Variants in AKAP6 observed in about 807,000 individuals in gnomAD.
The protein encoded by AKAP6 is A-kinase anchoring protein 6, also known as A-kinase anchor protein 6.
In AKAP6, 58 loss-of-function variants were observed where a neutral mutation model predicts 188.5. The observed-to-expected ratio is 0.31, with a 90% CI of 0.25 to 0.38. AKAP6 has a LOEUF of 0.38. AKAP6 is among the 10% of genes least tolerant of loss of function. The pLI is 1.00. For synonymous variants in AKAP6, 989 were observed against 998.6 expected (o/e 0.99, Z 0.18); for missense variants, 2,710 against 2,740.0 (o/e 0.99, Z 0.24).
intron 7 of AKAP6, among the ~76,000 whole-genome samples, chr14:32,604,496 C>T (rs577002689): frequency 6.6e-6 from 1 of 152,202 alleles, no homozygotes; most frequent in African/African-American, 2.4e-5. Flanking sequence ...AATCAGAATG[C>T]TCATGCTTTC....
chr14:32,522,299 CA>C (rs1881881522), intron 2 of AKAP6, among the ~76,000 whole-genome samples: 1 of 152,190 alleles, frequency 6.6e-6, no homozygotes, highest in Non-Finnish European at 1.5e-5. Flanking sequence ...ATGACTGAAA[CA>C]CCAAAAGCAA....
In AKAP6 at chr14:32,705,471, TG is replaced by T. The variant is rs566593210; in HGVS notation, c.3000+9363del. 6.0e-4 allele frequency among the ~76,000 whole-genome samples: 92 copies of T among 152,290 alleles called. 2 individuals carry two copies. In the East Asian group the frequency reaches 0.015, roughly 24 times the overall value. ...GTATGTATATGTGAGTGTGTTTTTCTGGTATTGAGATGGGTGTAGGATAGAG... is the reference window on the plus strand; with the variant it reads ...GTATGTATATGTGAGTGTGTTTTTCTGTATTGAGATGGGTGTAGGATAGAG... On this transcript the variant is annotated intron_variant, in intron 9 of 13. Coordinates refer to ENST00000280979, the MANE Select transcript of AKAP6 (RefSeq NM_004274.5).
At chr14:32,676,953 C>T (rs949310954) in intron 7 of AKAP6, among the ~76,000 whole-genome samples, 1 of 152,204 alleles carries the variant, frequency 6.6e-6, no homozygotes, top group Non-Finnish European at 1.5e-5. Context: ...CCTGCCTCAG[C>T]CTCCCAAGTA....
chr14:32,821,906 G>C lies in AKAP6; in HGVS notation c.4093G>C (p.Gly1365Arg), dbSNP rs758202877. ...GAGCCAGAATTCAGGCAGTGAGAGT[G>C]GAATTGTCAGTGAAGGAGACACAGA... ...DMSQNSGSES[G>R]IVSEGDTETT... Residue 1365 changes from glycine (G) to arginine (R), a missense_variant, in exon 13 of 14, where the codon GGA becomes CGA. By Grantham distance (125) the Gly-to-Arg change is moderately radical. This residue lies in a region of AKAP6 where 2,473 missense variants were observed against 2,426.1 expected (regional missense o/e 1.02). Coordinates refer to ENST00000280979, the MANE Select transcript of AKAP6 (RefSeq NM_004274.5). 2 of 1,613,812 alleles carry C rather than the reference G, an allele frequency of 1.2e-6. No individual in the cohort carries two copies. The highest frequency in any genetic ancestry group is 4.5e-5 in the East Asian group (2 of 44,862).
chr14:32,411,340 A>C (rs2138648481), intron 1 of AKAP6, among the ~76,000 whole-genome samples: 1 of 152,276 alleles, frequency 6.6e-6, no homozygotes, highest in Middle Eastern at 3.4e-3. Context: ...TTTAGATTTG[A>C]TGAGATTCCC....
intron 1 of AKAP6, among the ~76,000 whole-genome samples, chr14:32,346,585 T>C (rs370833060): frequency 2.3e-3 from 344 of 152,340 alleles, no homozygotes; most frequent in African/African-American, 7.9e-3. Context: ...CTTGGCTCAC[T>C]GAAAGCTCCG....
intron 12 of AKAP6, among the ~76,000 whole-genome samples, chr14:32,814,516 A>G (rs530479761): frequency 3.6e-4 from 55 of 152,260 alleles, no homozygotes; most frequent in Non-Finnish European, 7.1e-4. Context: ...TGACTTTATT[A>G]TGTCTGGCTT....
intron 8 of AKAP6, among the ~76,000 whole-genome samples, chr14:32,683,187 T>C (rs1889766955): frequency 1.3e-5 from 2 of 151,886 alleles, no homozygotes; most frequent in Admixed American, 1.3e-4. Flanking sequence ...AGAGACGGGG[T>C]TTCGTCATGT....
At chr14:32,701,012 A>G (rs1355293851) in intron 9 of AKAP6, among the ~76,000 whole-genome samples, 1 of 152,184 alleles carries the variant, frequency 6.6e-6, no homozygotes, top group Non-Finnish European at 1.5e-5. Context: ...TATACTAAAG[A>G]TTTTGTACTT....
At chr14:32,711,172 C>T (rs554966047) in intron 9 of AKAP6, among the ~76,000 whole-genome samples, 27 of 152,060 alleles carry the variant, frequency 1.8e-4, no homozygotes, top group Non-Finnish European at 3.5e-4. Flanking sequence ...TTATGATCCT[C>T]TTGCCCCAGG....
At chr14:32,803,280 TA>T (rs751626513) in intron 12 of AKAP6, among the ~76,000 whole-genome samples, 1,223 of 116,294 alleles carry the variant, frequency 0.011, 21 homozygotes, top group East Asian at 0.039. Context: ...CCCGTCTCTA[TA>T]AAAAAAAAAA....
At chr14:32,435,025 C>G (rs941745) in intron 2 of AKAP6, among the ~76,000 whole-genome samples, 13,776 of 152,280 alleles carry the variant, frequency 0.09, 844 homozygotes, top group South Asian at 0.18. Flanking sequence ...CAACAGAATG[C>G]AAACCCCAGC....
At chr14:32,639,493 T>C (rs557583398) in intron 7 of AKAP6, among the ~76,000 whole-genome samples, 1 of 152,244 alleles carries the variant, frequency 6.6e-6, no homozygotes, top group South Asian at 2.1e-4. Context: ...TTCATTCAGT[T>C]GTCAAGGGTT....
At chr14:32,521,703 G>A (rs1881842412) in intron 2 of AKAP6, among the ~76,000 whole-genome samples, 2 of 152,150 alleles carry the variant, frequency 1.3e-5, no homozygotes, top group South Asian at 4.1e-4. Context: ...CAAACAAATG[G>A]AAGAACATTC....
intron 12 of AKAP6, among the ~76,000 whole-genome samples, chr14:32,788,133 A>G (rs2033486158): frequency 6.6e-6 from 1 of 152,090 alleles, no homozygotes. Context: ...AGAATATAAG[A>G]CATGTATCCT....
Position 32,535,985 on chromosome 14 carries a change from C to A in AKAP6, c.576+180C>A, listed in dbSNP as rs180978420. Among the ~76,000 whole-genome samples, 34 of 152,286 alleles carry A rather than the reference C, an allele frequency of 2.2e-4. No individual in the cohort carries two copies. In the East Asian group the frequency reaches 6.5e-3, roughly 29 times the overall value. On this transcript the variant is annotated intron_variant, in intron 3 of 13. Transcript: ENST00000280979. ...CTTCCAATATGAATGGGGCTTTAGA[C>A]CAGAGTTAGCTCATACCTGGTAATT...
intron 1 of AKAP6, among the ~76,000 whole-genome samples, chr14:32,337,753 T>C (rs1886758787): frequency 7.3e-6 from 1 of 136,970 alleles, no homozygotes; most frequent in African/African-American, 2.6e-5. Flanking sequence ...CCCTGGTGTG[T>C]GATGTTCCCC....
At position 32,624,741 on chromosome 14, in the gene AKAP6, T is replaced by G. The variant is rs556624409; in HGVS notation, c.2730+23949T>G. 2.3e-4 allele frequency among the ~76,000 whole-genome samples: 35 copies of G among 152,264 alleles called. No individual in the cohort carries two copies. The East Asian group carries it at 2.3e-3, about 10-fold the overall frequency. On this transcript the variant is annotated intron_variant, in intron 7 of 13. Transcript: ENST00000280979. ...GGAAGAAAATTATGAGAAGTTATTT[T>G]TATTCTCAAAAATCACATTAATGGC...
intron 7 of AKAP6, among the ~76,000 whole-genome samples, chr14:32,619,310 T>A (rs1311522711): frequency 6.6e-6 from 1 of 152,208 alleles, no homozygotes. Flanking sequence ...TTTTATGGCT[T>A]CAGGTCTTAA....
Sources: allele counts gnomAD v4.1 joint callset (sites outside exome capture counted in the v4.1 genomes callset), GRCh38; gene constraint gnomAD v4.1.1; regional missense constraint gnomAD v4.1.1; transcripts MANE v1.5; gene names NCBI Gene and HGNC (gene_info 2026-07-23, HGNC 2026-07-21).